The following IGF1R variants were observed in gnomAD, a reference collection of about 807,000 sequenced individuals.
IGF1R encodes insulin like growth factor 1 receptor, also known as insulin-like growth factor 1 receptor.
IGF1R carries 44 observed loss-of-function variants against 144.6 expected under a neutral mutation model. That is an observed-to-expected ratio of 0.30 (90% CI 0.24 to 0.39). IGF1R has a LOEUF of 0.39. Among genes scored for constraint, IGF1R ranks in the 10% least tolerant of loss-of-function variants. The pLI is 1.00. For missense variants in IGF1R, 1,355 were observed against 1,833.7 expected, an observed-to-expected ratio of 0.74 and a Z score of 4.77; for synonymous variants, 795 against 722.8, an observed-to-expected ratio of 1.10 and a Z score of -1.60.
At position 98,648,691 on chromosome 15, in the gene IGF1R, G is replaced by T. The variant is rs1243835037; in HGVS notation, c.-891G>T. On this transcript the variant is annotated 5_prime_UTR_variant, in exon 1 of 21. Transcript: ENST00000650285. The stretch of plus-strand genomic sequence containing the variant: ...GAGGCGGGAGAGCGAGAGGGACGCC[G>T]CCAGCGAGCCTGCCCACGGCCGGCG... Among the ~76,000 whole-genome samples, 1 of 146,944 alleles carries T rather than the reference G, an allele frequency of 6.8e-6. No individual in the cohort carries two copies. The highest frequency in any genetic ancestry group is 2.5e-5 in the African/African-American group (1 of 40,814).
intron 2 of IGF1R, among the ~76,000 whole-genome samples, chr15:98,871,056 A>G (rs1483652195): frequency 6.6e-6 from 1 of 152,248 alleles, no homozygotes; most frequent in Non-Finnish European, 1.5e-5. Context: ...GCACAAAGCC[A>G]GTGCTCTTTT....
In IGF1R at chr15:98,709,157, G is replaced by C. The variant is rs74032540; in HGVS notation, c.640+1050G>C. Among the ~76,000 whole-genome samples the C allele has an allele frequency of 7.6e-3, 1,162 of 152,312 alleles. 20 individuals carry two copies. The highest frequency in any genetic ancestry group is 0.027 in the African/African-American group (1,110 of 41,568). ...CCAGTTAAAGATGTAAGGAACCCAT[G>C]TTCTCTAGTTATGAAGAACCAAGAA... On this transcript the variant is annotated intron_variant, in intron 2 of 20. Transcript: ENST00000650285.
At chr15:98,805,696 T>C (rs1020663150) in intron 2 of IGF1R, among the ~76,000 whole-genome samples, 1 of 152,230 alleles carries the variant, frequency 6.6e-6, no homozygotes, top group Non-Finnish European at 1.5e-5. Flanking sequence ...ATCTTGGTCC[T>C]TAAAAGAAAC....
Position 98,957,054 on chromosome 15 carries a change from G to A in IGF1R, c.3723-7G>A, listed in dbSNP as rs780199073. The A allele has an allele frequency of 5.0e-6, 8 of 1,614,030 alleles. No individual in the cohort carries two copies. In the African/African-American group the frequency reaches 9.3e-5, roughly 19 times the overall value. The stretch of plus-strand genomic sequence containing the variant: ...TTTGGACCCCCTCCCGTGTGTCTTG[G>A]CTGCAGGTTTGAACTGATGCGCATG... On this transcript the variant is annotated splice_polypyrimidine_tract_variant and splice_region_variant and intron_variant, in intron 20 of 20. Transcript: ENST00000650285.
At chr15:98,937,195 C>G (rs936614925) in intron 17 of IGF1R, among the ~76,000 whole-genome samples, 7 of 152,160 alleles carry the variant, frequency 4.6e-5, no homozygotes, top group African/African-American at 1.4e-4. Flanking sequence ...CCTTGGTTCA[C>G]TTTAATACAC....
chr15:98,807,842 T>C (rs1341593035), intron 2 of IGF1R, among the ~76,000 whole-genome samples: 1 of 152,250 alleles, frequency 6.6e-6, no homozygotes, highest in Non-Finnish European at 1.5e-5. Context: ...TGACATAGTA[T>C]AAGTTTAGAG....
chr15:98,929,413 A>G lies in IGF1R; in HGVS notation c.2783-145A>G. 1.3e-5 allele frequency: 9 copies of G among 718,748 alleles called. 1 individual carries two copies. The highest frequency in any genetic ancestry group is 1.0e-4 in the South Asian group (7 of 67,832). The allele number at this position is 718,748 out of a possible 1,614,324, so 44.5% of individuals were successfully genotyped here. ...TTTGCCGTGTTCTATTTCTGACACC[A>G]TTTACCTTCAGGAATTCTTACTGTA... On this transcript the variant is annotated intron_variant, in intron 13 of 20. Coordinates refer to ENST00000650285, the MANE Select transcript of IGF1R (RefSeq NM_000875.5).
intron 5 of IGF1R, among the ~76,000 whole-genome samples, chr15:98,908,243 T>C (rs921608659): frequency 6.6e-6 from 1 of 152,228 alleles, no homozygotes; most frequent in African/African-American, 2.4e-5. Flanking sequence ...TGCTGCTGAT[T>C]GGGCAGGATT....
At chr15:98,817,025 G>C (rs1207024742) in intron 2 of IGF1R, among the ~76,000 whole-genome samples, 2 of 152,196 alleles carry the variant, frequency 1.3e-5, no homozygotes, top group Non-Finnish European at 2.9e-5. Flanking sequence ...CTTCAATGCT[G>C]CGTGTGGTGG....
intron 2 of IGF1R, among the ~76,000 whole-genome samples, chr15:98,745,423 GA>G (rs1360138019): frequency 6.6e-6 from 1 of 152,236 alleles, no homozygotes; most frequent in Non-Finnish European, 1.5e-5. Flanking sequence ...TGCAGAGACA[GA>G]AAGCCGGTGG....
In IGF1R at chr15:98,918,618, C is replaced by T. The variant is rs571489301; in HGVS notation, c.2201+1742C>T. ...CAGAGCAGCCAGGCGCGGTGGCTCA[C>T]GCCTGTAATCCCAGCACTTTGGGAG... On this transcript the variant is annotated intron_variant, in intron 10 of 20. Coordinates refer to ENST00000650285, the MANE Select transcript of IGF1R (RefSeq NM_000875.5). Among the ~76,000 whole-genome samples the T allele has an allele frequency of 2.2e-4, 34 of 152,226 alleles. No homozygotes were observed. In the South Asian group the frequency reaches 5.0e-3, roughly 22 times the overall value.
At chr15:98,670,267 C>T (rs1036300362) in intron 1 of IGF1R, among the ~76,000 whole-genome samples, 1 of 151,988 alleles carries the variant, frequency 6.6e-6, no homozygotes, top group Non-Finnish European at 1.5e-5. Context: ...ATCATTTTGC[C>T]CAGAGGGATC....
At chr15:98,865,462 C>A (rs1260011892) in intron 2 of IGF1R, among the ~76,000 whole-genome samples, 1 of 152,114 alleles carries the variant, frequency 6.6e-6, no homozygotes, top group Non-Finnish European at 1.5e-5. Context: ...TGGGGCTCGG[C>A]GTGCATAGCG....
intron 17 of IGF1R, 23 bp from the exon 18 acceptor site, chr15:98,939,178 G>C (rs1355078612): frequency 6.2e-7 from 1 of 1,610,616 alleles, no homozygotes; most frequent in African/African-American, 1.3e-5. Context: ...ATTCTCATGT[G>C]AATTTTTTTA....
chr15:98,953,848 G>A (rs933480881), intron 20 of IGF1R, among the ~76,000 whole-genome samples: 2 of 152,174 alleles, frequency 1.3e-5, no homozygotes, highest in African/African-American at 4.8e-5. Flanking sequence ...TGGTTCTGCG[G>A]GAATCGAGTG....
intron 2 of IGF1R, among the ~76,000 whole-genome samples, chr15:98,789,723 A>G (rs765946930): frequency 6.6e-6 from 1 of 152,182 alleles, no homozygotes; most frequent in African/African-American, 2.4e-5. Flanking sequence ...AAGCAAACAA[A>G]ATAGGCTATA....
intron 1 of IGF1R, among the ~76,000 whole-genome samples, chr15:98,664,342 C>T (rs2052674960): frequency 6.6e-6 from 1 of 152,136 alleles, no homozygotes; most frequent in Non-Finnish European, 1.5e-5. Context: ...TCTCTGCTCT[C>T]CTTTCCTCAT....
chr15:98,906,199 C>T (rs919452081), intron 5 of IGF1R, among the ~76,000 whole-genome samples: 2 of 152,212 alleles, frequency 1.3e-5, no homozygotes, highest in African/African-American at 4.8e-5. Flanking sequence ...ATGCTTCCTC[C>T]CGTGGGGGAG....
At chr15:98,892,851 A>C (rs1354249943) in intron 3 of IGF1R, among the ~76,000 whole-genome samples, 1 of 152,110 alleles carries the variant, frequency 6.6e-6, no homozygotes, top group Non-Finnish European at 1.5e-5. Flanking sequence ...CCATCTGTAC[A>C]AAAGATTAAA....
Sources: allele counts gnomAD v4.1 joint callset (sites outside exome capture counted in the v4.1 genomes callset), GRCh38; gene constraint gnomAD v4.1.1; transcripts MANE v1.5; gene names NCBI Gene and HGNC (gene_info 2026-07-23, HGNC 2026-07-21).